The following RBM14 variants were observed in gnomAD, a reference collection of about 807,000 sequenced individuals.
RBM14 encodes the protein RNA binding motif protein 14.
A neutral mutation model predicts 52.8 loss-of-function variants in RBM14; 5 were observed. The ratio of observed to expected loss-of-function variants is 0.09; its 90% CI spans 0.05 to 0.20. The LOEUF (loss-of-function observed/expected upper bound fraction) is 0.20. RBM14 is among the 10% of genes least tolerant of loss of function. The pLI is 1.00. For missense variants in RBM14, 780 were observed against 926.6 expected (o/e 0.84, Z 2.05); for synonymous variants, 411 against 401.8 (o/e 1.02, Z -0.28).
Position 66,625,615 on chromosome 11 carries a change from G to A in RBM14, c.1739G>A (p.Arg580His). 1.2e-6 allele frequency: 2 copies of A among 1,612,944 alleles called. No homozygotes were observed. Among genetic ancestry groups the A allele is most frequent in the Non-Finnish European group, 1.7e-6 (2 of 1,179,974 alleles). Reference protein sequence around the residue: ...NSTPPPYERTRLSPPRASYDD... With the variant: ...NSTPPPYERTHLSPPRASYDD... ...ACCCCGCCGCCCTATGAGCGTACCC[G>A]CCTCTCCCCACCCCGGGCCAGCTAC... Residue 580 changes from arginine to histidine, a missense_variant, in exon 2 of 3, where the codon CGC becomes CAC. Arg to His is a conservative substitution (Grantham distance 29, BLOSUM62 0). This residue lies in a region of RBM14 where 675 missense variants were observed against 697.3 expected (regional missense o/e 0.97). Coordinates refer to ENST00000310137, the MANE Select transcript of RBM14 (RefSeq NM_006328.4). The surrounding 1 kb of genome is among the most constrained non-coding windows in gnomAD (Gnocchi z 4.2).
chr11:66,621,628 C>T (rs765105414), intron 1 of RBM14, among the ~76,000 whole-genome samples: 2 of 151,896 alleles, frequency 1.3e-5, no homozygotes, highest in Non-Finnish European at 1.5e-5. Flanking sequence ...CCGCCTGCCT[C>T]GGCCTCCCCA....
In RBM14 at chr11:66,625,325, A is replaced by G. The variant is rs1179302911; in HGVS notation, c.1449A>G (p.Ser483=). The change falls in exon 2 of 3, where the codon TCA becomes TCG. Residue 483 remains serine, a synonymous_variant. Coordinates refer to ENST00000310137, the MANE Select transcript of RBM14 (RefSeq NM_006328.4). The surrounding 1 kb of genome is among the most constrained non-coding windows in gnomAD (Gnocchi z 4.2). ...GGGCCCAAGCATCAATGGGCCTTTC[A>G]GGCTCCTATGGGGCTCAGTCGGCTG... ...SYGAQASMGL[S]GSYGAQSAAA... The G allele has an allele frequency of 3.7e-6, 6 of 1,610,448 alleles. No individual in the cohort carries two copies. In the East Asian group the frequency reaches 6.7e-5, roughly 18 times the overall value.
At chr11:66,621,190 G>C (rs907056568) in intron 1 of RBM14, among the ~76,000 whole-genome samples, 33 of 151,550 alleles carry the variant, frequency 2.2e-4, no homozygotes, top group African/African-American at 6.3e-4. Flanking sequence ...CTTTTAAAGG[G>C]CTCTTAGGCC....
At chr11:66,620,140 A>T (rs949484165) in intron 1 of RBM14, among the ~76,000 whole-genome samples, 1 of 152,170 alleles carries the variant, frequency 6.6e-6, no homozygotes, top group Non-Finnish European at 1.5e-5. Context: ...TGTGCTTTGC[A>T]CTTACTGTGA....
In RBM14 at chr11:66,626,815, A is replaced by C; in HGVS notation, c.*147A>C. ...CCATGTGGGCCTTCCCCAGGAGATGATCCTGTTAAGTGTTCGGCAGTAACC... is the reference window on the plus strand; with the variant it reads ...CCATGTGGGCCTTCCCCAGGAGATGCTCCTGTTAAGTGTTCGGCAGTAACC... On this transcript the variant is annotated 3_prime_UTR_variant, in exon 3 of 3. Transcript: ENST00000310137. 1 of 791,280 alleles carries C rather than the reference A, an allele frequency of 1.3e-6. No individual in the cohort carries two copies. The highest frequency in any genetic ancestry group is 2.0e-6 in the Non-Finnish European group (1 of 511,702). The allele number at this position is 791,280 out of a possible 1,614,324, so 49.0% of individuals were successfully genotyped here. A position where few individuals can be genotyped will look rare whatever the true frequency, so the allele number is the denominator to read the frequency against.
rs1000592771 is a variant in RBM14 at position 66,629,262 on chromosome 11, C to T, written c.*2594C>T. 6.6e-6 allele frequency among the ~76,000 whole-genome samples: 1 copy of T among 152,186 alleles called. No homozygotes were observed. Among genetic ancestry groups the T allele is most frequent in the African/African-American group, 2.4e-5 (1 of 41,448 alleles). On this transcript the variant is annotated 3_prime_UTR_variant, in exon 3 of 3. Transcript: ENST00000310137. ...ATGGACTCTCTATCTTCAGATTATT[C>T]AGCTTCTCCACCTATCACCTCTACA...
rs569247926 is a variant in RBM14 at position 66,621,557 on chromosome 11, A to G, written c.338-2657A>G. ...CACAGCCGGCTAATTTAATATTTTT[A>G]GTAAAGACGGCGTTTCACCTTGTTG... is the stretch of plus-strand genomic sequence containing the variant. On this transcript the variant is annotated intron_variant, in intron 1 of 2. Coordinates refer to ENST00000310137, the MANE Select transcript of RBM14 (RefSeq NM_006328.4). 4.6e-5 allele frequency among the ~76,000 whole-genome samples: 7 copies of G among 152,046 alleles called. No individual in the cohort carries two copies. In the East Asian group the frequency reaches 1.2e-3, roughly 25 times the overall value.
chr11:66,626,538 C>T lies in RBM14; in HGVS notation c.1880C>T (p.Ser627Leu), dbSNP rs771950740. Residue 627 changes from serine to leucine, a missense_variant, in exon 3 of 3, where the codon TCG becomes TTG. Physicochemically the swap from Ser to Leu is moderately radical, Grantham distance 145 (BLOSUM62 -2). Around this residue, in one of 4 missense-constraint regions of RBM14, gnomAD observed 675 missense variants for 697.3 expected, o/e 0.97. Transcript: ENST00000310137. The stretch of plus-strand genomic sequence containing the variant: ...GAGTCGCAGCTTTCGTTCCGCCGCT[C>T]GCCGACAAAGTCCTCGCTGGATTAC... ...LSESQLSFRR[S>L]PTKSSLDYRR... 18 of 1,613,894 alleles carry T rather than the reference C, an allele frequency of 1.1e-5. No homozygotes were observed. Among genetic ancestry groups the T allele is most frequent in the African/African-American group, 2.7e-5 (2 of 74,936 alleles).
At chr11:66,623,427 G>T (rs1018135567) in intron 1 of RBM14, among the ~76,000 whole-genome samples, 2 of 152,182 alleles carry the variant, frequency 1.3e-5, no homozygotes, top group African/African-American at 4.8e-5. Context: ...TGACTTCTCA[G>T]GGATAGATTA....
rs753757913 is a variant in RBM14 at position 66,625,869 on chromosome 11, G to GT, written c.1802+192dup. The GT allele has an allele frequency of 3.0e-4, 175 of 589,652 alleles. 7 individuals carry two copies. The highest frequency in any genetic ancestry group is 2.3e-3 in the East Asian group (80 of 35,402). The allele number at this position is 589,652 out of a possible 1,614,324, so 36.5% of individuals were successfully genotyped here. On this transcript the variant is annotated intron_variant, in intron 2 of 2. Transcript: ENST00000310137. This position sits in a 1 kb window ranked among gnomAD's most constrained non-coding sequence, Gnocchi z 4.2. ...GTCACCAGGGTTCAGGTGGAGCATA[G>GT]TGCTCAGCCTGGGGTGGTACCTGCT...
rs1269081931 is a variant in RBM14, at chr11:66,629,860, A to AGAGGCCAGGATTTT, written c.*3196_*3209dup. On this transcript the variant is annotated 3_prime_UTR_variant, in exon 3 of 3. Coordinates refer to ENST00000310137, the MANE Select transcript of RBM14 (RefSeq NM_006328.4). ...GGGAATTTGAGGCAAGAGGATTGCTAGAGGCCAGGATTTTGAGACCAGCTT... is the reference window on the plus strand; with the variant it reads ...GGGAATTTGAGGCAAGAGGATTGCTAGAGGCCAGGATTTTGAGGCCAGGATTTTGAGACCAGCTT... Among the ~76,000 whole-genome samples, 1 of 151,960 alleles carries AGAGGCCAGGATTTT rather than the reference A, an allele frequency of 6.6e-6. No individual in the cohort carries two copies. The highest frequency in any genetic ancestry group is 1.5e-5 in the Non-Finnish European group (1 of 67,976).
rs1039914084 is a variant in RBM14 at position 66,628,312 on chromosome 11, G to A, written c.*1644G>A. 1.3e-5 allele frequency among the ~76,000 whole-genome samples: 2 copies of A among 152,148 alleles called. No individual in the cohort carries two copies. The highest frequency in any genetic ancestry group is 2.4e-5 in the African/African-American group (1 of 41,410). ...TTGGGAAAAGGTGCTTTAAAGACTC[G>A]ATTTGGGAGCCTACTGGGGCAAGGC... On this transcript the variant is annotated 3_prime_UTR_variant, in exon 3 of 3. Coordinates refer to ENST00000310137, the MANE Select transcript of RBM14 (RefSeq NM_006328.4).
intron 1 of RBM14, 187 bp downstream of exon 1, chr11:66,617,244 A>C: frequency 7.1e-7 from 1 of 1,402,042 alleles, no homozygotes; most frequent in Non-Finnish European, 9.3e-7. Context: ...GGAACCGTCC[A>C]CCAAGTAGGA....
In RBM14 at chr11:66,628,176, CA is replaced by C. The variant is rs1937901808; in HGVS notation, c.*1514del. Among the ~76,000 whole-genome samples the C allele has an allele frequency of 6.6e-6, 1 of 151,962 alleles. No individual in the cohort carries two copies. The highest frequency in any genetic ancestry group is 1.5e-5 in the Non-Finnish European group (1 of 67,990). On this transcript the variant is annotated 3_prime_UTR_variant, in exon 3 of 3. Transcript: ENST00000310137. The stretch of plus-strand genomic sequence containing the variant: ...TAGGGCTGGGGATCGAGGATCTGGG[CA>C]AAAAATATGACATTTCCAACCAGGG...
At chr11:66,619,749 G>A (rs1859016836) in intron 1 of RBM14, among the ~76,000 whole-genome samples, 1 of 152,016 alleles carries the variant, frequency 6.6e-6, no homozygotes, top group South Asian at 2.1e-4. Context: ...TGTATTTTTA[G>A]TAGAGACGGG....
Position 66,626,690 on chromosome 11 carries a change from C to T in RBM14, c.*22C>T, listed in dbSNP as rs764451458. On this transcript the variant is annotated 3_prime_UTR_variant, in exon 3 of 3. Transcript: ENST00000310137. ...GTAGGGCCATCCTGGGATGGGGCAC[C>T]ACAGGGAGGGAGGGAGAAAAGAGGT... The T allele has an allele frequency of 1.1e-5, 17 of 1,577,506 alleles. No individual in the cohort carries two copies. The African/African-American group carries it at 1.9e-4, about 17-fold the overall frequency.
At position 66,625,581 on chromosome 11, in the gene RBM14, G is replaced by A. The variant is rs2135023523; in HGVS notation, c.1705G>A (p.Ala569Thr). 12 of 1,611,104 alleles carry A rather than the reference G, an allele frequency of 7.4e-6. No homozygotes were observed. Among genetic ancestry groups the A allele is most frequent in the Non-Finnish European group, 9.3e-6 (11 of 1,179,684 alleles). Residue 569 changes from alanine (A) to threonine (T), a missense_variant, in exon 2 of 3, where the codon GCC becomes ACC. Coordinates refer to ENST00000310137, the MANE Select transcript of RBM14 (RefSeq NM_006328.4). This position sits in a 1 kb window ranked among gnomAD's most constrained non-coding sequence, Gnocchi z 4.2. Reference sequence around the variant, plus strand: ...CATGTCCCAGGGGGCCGTTGCCAACGCCAACAGCACCCCGCCGCCCTATGA... The same window carrying A: ...CATGTCCCAGGGGGCCGTTGCCAACACCAACAGCACCCCGCCGCCCTATGA... ...LSMSQGAVAN[A>T]NSTPPPYERT...
Position 66,616,649 on chromosome 11 carries a change from G to C in RBM14, c.-72G>C, listed in dbSNP as rs772678081. 7 of 1,491,060 alleles carry C rather than the reference G, an allele frequency of 4.7e-6. No homozygotes were observed. The African/African-American group carries it at 8.4e-5, about 18-fold the overall frequency. 92.4% of individuals were successfully genotyped at this position (1,491,060 alleles called of 1,614,324 possible). ...CCAGCCATTCCTGAGGAGGACTGCC[G>C]GTCGTTCGGACGTCTTGCCTGTCGC... On this transcript the variant is annotated 5_prime_UTR_variant, in exon 1 of 3. Coordinates refer to ENST00000310137, the MANE Select transcript of RBM14 (RefSeq NM_006328.4).
In RBM14 at chr11:66,624,459, A is replaced by G. The variant is rs777241002; in HGVS notation, c.583A>G (p.Thr195Ala). ...CTACCAGCAGGCTTTTGGCAACAGC[A>G]CTGGTGGCTTTGATGGGCAAGCCCG... ...FDYQQAFGNS[T>A]GGFDGQARQP... Residue 195 changes from threonine to alanine, a missense_variant, in exon 2 of 3, where the codon ACT (threonine) becomes GCT (alanine). Around this residue, in one of 4 missense-constraint regions of RBM14, gnomAD observed 675 missense variants for 697.3 expected, o/e 0.97. Transcript: ENST00000310137. This position sits in a 1 kb window ranked among gnomAD's most constrained non-coding sequence, Gnocchi z 4.7. 3 of 1,613,838 alleles carry G rather than the reference A, an allele frequency of 1.9e-6. No homozygotes were observed. The East Asian group carries it at 6.7e-5, about 36-fold the overall frequency.
Sources: allele counts gnomAD v4.1 joint callset (sites outside exome capture counted in the v4.1 genomes callset), GRCh38; gene constraint gnomAD v4.1.1; regional missense constraint gnomAD v4.1.1; non-coding constraint Gnocchi (gnomAD v3.1); transcripts MANE v1.5; gene names NCBI Gene and HGNC (gene_info 2026-07-23, HGNC 2026-07-21).